The following JAKMIP1 variants were observed in gnomAD, a reference collection of about 807,000 sequenced individuals.
JAKMIP1 encodes janus kinase and microtubule-interacting protein 1.
A neutral mutation model predicts 113.0 loss-of-function variants in JAKMIP1; 33 were observed. The observed-to-expected ratio is 0.29, with a 90% CI of 0.22 to 0.39. The LOEUF (loss-of-function observed/expected upper bound fraction) is 0.39, where lower values mean the gene tolerates loss of function less well. Among genes scored for constraint, JAKMIP1 ranks in the 10% least tolerant of loss-of-function variants. The probability of loss-of-function intolerance (pLI) is 1.00; values close to 1 mark genes in which losing one functional copy is unlikely to be tolerated. For missense variants in JAKMIP1, 813 were observed against 1,080.5 expected, an observed-to-expected ratio of 0.75 and a Z score of 3.47; for synonymous variants, 480 against 459.9, an observed-to-expected ratio of 1.04 and a Z score of -0.56.
At position 6,137,550 on chromosome 4, in the gene JAKMIP1, G is replaced by T. The variant is rs115024133; in HGVS notation, c.-147-24553C>A. ...ATCAGGAGCTGTGATTTGGTTGAAC[G>T]TTCCAGATGGCCTCACTCGAGAGAC... On this transcript the variant is annotated intron_variant, in intron 1 of 20. Coordinates refer to ENST00000409021, the MANE Select transcript of JAKMIP1 (RefSeq NM_001099433.2). The surrounding 1 kb of genome is among the most constrained non-coding windows in gnomAD (Gnocchi z 4.5). Among the ~76,000 whole-genome samples the T allele has an allele frequency of 4.6e-5, 7 of 152,162 alleles. No homozygotes were observed. Among genetic ancestry groups the T allele is most frequent in the East Asian group, 3.9e-4 (2 of 5,192 alleles).
chr4:6,107,321 A>G (rs565286478), intron 2 of JAKMIP1, among the ~76,000 whole-genome samples: 1 of 152,298 alleles, frequency 6.6e-6, no homozygotes, highest in South Asian at 2.1e-4. Context: ...GTCAGATCCA[A>G]TGAGATCCTA....
chr4:6,031,422 A>ATATAT lies in JAKMIP1; in HGVS notation c.2380-1642_2380-1641insATATA, dbSNP rs1276228694. Among the ~76,000 whole-genome samples, 1 of 152,174 alleles carries ATATAT rather than the reference A, an allele frequency of 6.6e-6. No individual in the cohort carries two copies. Among genetic ancestry groups the ATATAT allele is most frequent in the Non-Finnish European group, 1.5e-5 (1 of 68,040 alleles). The stretch of plus-strand genomic sequence containing the variant: ...ACACAGAGAGACTCCATCTCAATAA[A>ATATAT]TAAATAAAGAGGCATGAGGAGGGGT... On this transcript the variant is annotated intron_variant, in intron 19 of 20. Coordinates refer to ENST00000409021, the MANE Select transcript of JAKMIP1 (RefSeq NM_001099433.2). This position sits in a 1 kb window ranked among gnomAD's most constrained non-coding sequence, Gnocchi z 4.4.
intron 3 of JAKMIP1, among the ~76,000 whole-genome samples, chr4:6,090,901 T>C (rs902106352): frequency 6.6e-6 from 1 of 152,124 alleles, no homozygotes; most frequent in Non-Finnish European, 1.5e-5. Flanking sequence ...ATGACGTCCT[T>C]AGAGTGTCAA....
chr4:6,111,883 C>T (rs116222719), intron 2 of JAKMIP1, among the ~76,000 whole-genome samples: 58 of 152,308 alleles, frequency 3.8e-4, no homozygotes, highest in African/African-American at 1.2e-3. Context: ...TAAGAAAGCA[C>T]ATATATGGCT....
chr4:6,151,737 C>T (rs753393001), intron 1 of JAKMIP1, among the ~76,000 whole-genome samples: 1 of 152,150 alleles, frequency 6.6e-6, no homozygotes, highest in Non-Finnish European at 1.5e-5. Flanking sequence ...TGAAGCTGGA[C>T]GGCAAAGTGG....
rs1279872344 is a variant in JAKMIP1 at position 6,042,267 on chromosome 4, G to C, written c.2029-40C>G. 6.6e-7 allele frequency: 1 copy of C among 1,520,456 alleles called. No individual in the cohort carries two copies. The highest frequency in any genetic ancestry group is 1.1e-5 in the South Asian group (1 of 89,130). The allele number at this position is 1,520,456 out of a possible 1,614,324, so 94.2% of individuals were successfully genotyped here. A position where few individuals can be genotyped will look rare whatever the true frequency, so the allele number is the denominator to read the frequency against. On this transcript the variant is annotated intron_variant, in intron 16 of 20. Transcript: ENST00000409021. The surrounding 1 kb of genome is among the most constrained non-coding windows in gnomAD (Gnocchi z 5.2). ...GGACAGGACGGGTGCAGCAAAGTGA[G>C]AGTCAGAACCCAAGGGGCTGTGGAA...
rs1262577964 is a variant in JAKMIP1, at chr4:6,049,722, CAG to C, written c.1962+95_1962+96del. On this transcript the variant is annotated intron_variant, in intron 15 of 20. Coordinates refer to ENST00000409021, the MANE Select transcript of JAKMIP1 (RefSeq NM_001099433.2). This position sits in a 1 kb window ranked among gnomAD's most constrained non-coding sequence, Gnocchi z 7.0. ...ATTGTACTTCTTAGATCTCTTACATCAGAGAGAAATTAAAAACAAAACAAAAC... is the reference window on the plus strand; with the variant it reads ...ATTGTACTTCTTAGATCTCTTACATCAGAGAAATTAAAAACAAAACAAAAC... 2.2e-6 allele frequency: 2 copies of C among 899,348 alleles called. No individual in the cohort carries two copies. Among genetic ancestry groups the C allele is most frequent in the Non-Finnish European group, 3.6e-6 (2 of 555,874 alleles). 55.7% of individuals were successfully genotyped at this position (899,348 alleles called of 1,614,324 possible). A position where few individuals can be genotyped will look rare whatever the true frequency, so the allele number is the denominator to read the frequency against.
Position 6,065,683 on chromosome 4 carries a change from C to T in JAKMIP1, c.1303-675G>A, listed in dbSNP as rs182204520. Among the ~76,000 whole-genome samples the T allele has an allele frequency of 4.6e-4, 70 of 152,322 alleles. No individual in the cohort carries two copies. Among genetic ancestry groups the T allele is most frequent in the African/African-American group, 1.5e-3 (62 of 41,570 alleles). The stretch of plus-strand genomic sequence containing the variant: ...AGGAATCATGTAATAGACCTTCACA[C>T]GACCATCACTCAGATCCAGAGGCAA... On this transcript the variant is annotated intron_variant, in intron 8 of 20. Coordinates refer to ENST00000409021, the MANE Select transcript of JAKMIP1 (RefSeq NM_001099433.2). This position sits in a 1 kb window ranked among gnomAD's most constrained non-coding sequence, Gnocchi z 5.1.
chr4:6,050,742 CCACGTTACT>C lies in JAKMIP1; in HGVS notation c.1807-72_1807-64del. On this transcript the variant is annotated intron_variant, in intron 13 of 20. Coordinates refer to ENST00000409021, the MANE Select transcript of JAKMIP1 (RefSeq NM_001099433.2). The surrounding 1 kb of genome is among the most constrained non-coding windows in gnomAD (Gnocchi z 7.4). ...GGATTATTTACCACTTGCCATTTTCCCACGTTACTCAGCAAAAACCAAGGAATTCCAGTG... is the reference window on the plus strand; with the variant it reads ...GGATTATTTACCACTTGCCATTTTCCCAGCAAAAACCAAGGAATTCCAGTG... 1 of 1,337,046 alleles carries C rather than the reference CCACGTTACT, an allele frequency of 7.5e-7. No homozygotes were observed. Among genetic ancestry groups the C allele is most frequent in the Admixed American group, 2.0e-5 (1 of 49,806 alleles). 82.8% of individuals were successfully genotyped at this position (1,337,046 alleles called of 1,614,324 possible). A position where few individuals can be genotyped will look rare whatever the true frequency, so the allele number is the denominator to read the frequency against.
At chr4:6,033,430 C>G (rs778853532) in intron 19 of JAKMIP1, among the ~76,000 whole-genome samples, 2 of 152,122 alleles carry the variant, frequency 1.3e-5, no homozygotes, top group African/African-American at 2.4e-5. Context: ...TGAGAGAAGA[C>G]ATGATAATGA....
chr4:6,064,188 A>T lies in JAKMIP1; in HGVS notation c.1431+692T>A, dbSNP rs73073451. On this transcript the variant is annotated intron_variant, in intron 9 of 20. Transcript: ENST00000409021. The surrounding 1 kb of genome is among the most constrained non-coding windows in gnomAD (Gnocchi z 4.3). Reference sequence around the variant, plus strand: ...AGTCTGCTGTTTAGGAAATTAATCAAATGTGATTATTCCCATCACTGGAAG... The same window carrying T: ...AGTCTGCTGTTTAGGAAATTAATCATATGTGATTATTCCCATCACTGGAAG... 3.3e-5 allele frequency among the ~76,000 whole-genome samples: 5 copies of T among 152,316 alleles called. No homozygotes were observed. The highest frequency in any genetic ancestry group is 1.2e-4 in the African/African-American group (5 of 41,572).
intron 11 of JAKMIP1, 94 bp from the exon 12 acceptor site, chr4:6,056,853 T>G (rs1334469070): frequency 3.5e-6 from 3 of 866,048 alleles, no homozygotes; most frequent in East Asian, 4.8e-5. Context: ...TCTATGAAAC[T>G]GACCATGGAA....
chr4:6,194,996 C>T lies in JAKMIP1; in HGVS notation c.-148+5257G>A, dbSNP rs1437834388. The stretch of plus-strand genomic sequence containing the variant: ...CCGCCACTGCAGCTGCTGTCCACGG[C>T]GTGATCCTAGACTAGGCCTTTCACC... On this transcript the variant is annotated intron_variant, in intron 1 of 20. Transcript: ENST00000409021. This position sits in a 1 kb window ranked among gnomAD's most constrained non-coding sequence, Gnocchi z 7.4. 2.0e-5 allele frequency among the ~76,000 whole-genome samples: 3 copies of T among 152,206 alleles called. No homozygotes were observed. The highest frequency in any genetic ancestry group is 7.2e-5 in the African/African-American group (3 of 41,444).
chr4:6,050,710 T>C lies in JAKMIP1; in HGVS notation c.1807-31A>G, dbSNP rs1715551617. The C allele has an allele frequency of 6.7e-7, 1 of 1,500,788 alleles. No individual in the cohort carries two copies. Among genetic ancestry groups the C allele is most frequent in the African/African-American group, 1.4e-5 (1 of 71,948 alleles). The allele number at this position is 1,500,788 out of a possible 1,614,324, so 93.0% of individuals were successfully genotyped here. On this transcript the variant is annotated intron_variant, in intron 13 of 20. Transcript: ENST00000409021. The surrounding 1 kb of genome is among the most constrained non-coding windows in gnomAD (Gnocchi z 7.4). ...GAAAAGATTCGGTTTAAAAACAGAA[T>C]GTGACCGGATTATTTACCACTTGCC...
Position 6,138,377 on chromosome 4 carries a change from A to T in JAKMIP1, c.-147-25380T>A, listed in dbSNP as rs1034820690. Among the ~76,000 whole-genome samples the T allele has an allele frequency of 2.6e-5, 4 of 151,944 alleles. No individual in the cohort carries two copies. The highest frequency in any genetic ancestry group is 5.9e-5 in the Non-Finnish European group (4 of 67,976). On this transcript the variant is annotated intron_variant, in intron 1 of 20. Coordinates refer to ENST00000409021, the MANE Select transcript of JAKMIP1 (RefSeq NM_001099433.2). This position sits in a 1 kb window ranked among gnomAD's most constrained non-coding sequence, Gnocchi z 6.0. ...ATTCTCCTGCCTCAGCTTTCCAAGT[A>T]GCTGGGATTACACCACACCTGGCTC...
At position 6,050,083 on chromosome 4, in the gene JAKMIP1, C is replaced by A. The variant is rs1246156859; in HGVS notation, c.1909-211G>T. On this transcript the variant is annotated intron_variant, in intron 14 of 20. Transcript: ENST00000409021. This position sits in a 1 kb window ranked among gnomAD's most constrained non-coding sequence, Gnocchi z 7.4. ...GAGTGTTACACCAGCACAAACACTG[C>A]TTTCTAGAAAGGCCATGGAAGCGGG... is the stretch of plus-strand genomic sequence containing the variant. Among the ~76,000 whole-genome samples, 1 of 152,198 alleles carries A rather than the reference C, an allele frequency of 6.6e-6. No individual in the cohort carries two copies. The highest frequency in any genetic ancestry group is 2.4e-5 in the African/African-American group (1 of 41,442).
rs1014079493 is a variant in JAKMIP1 at position 6,142,348 on chromosome 4, G to C, written c.-147-29351C>G. 2.0e-4 allele frequency among the ~76,000 whole-genome samples: 31 copies of C among 152,168 alleles called. No individual in the cohort carries two copies. Among genetic ancestry groups the C allele is most frequent in the African/African-American group, 7.0e-4 (29 of 41,434 alleles). ...CAGGCAGGGGAAAGGGAGCCCCCGG[G>C]AGCTCTGTGCTTTAAAAGGGCAGTT... On this transcript the variant is annotated intron_variant, in intron 1 of 20. Coordinates refer to ENST00000409021, the MANE Select transcript of JAKMIP1 (RefSeq NM_001099433.2). The surrounding 1 kb of genome is among the most constrained non-coding windows in gnomAD (Gnocchi z 5.5).
intron 1 of JAKMIP1, among the ~76,000 whole-genome samples, chr4:6,160,305 A>T: frequency 6.6e-6 from 1 of 152,230 alleles, no homozygotes; most frequent in Middle Eastern, 3.2e-3. Context: ...GCCAAAAAGC[A>T]TAATGTTCTT....
chr4:6,071,277 AC>A (rs1237977812), intron 8 of JAKMIP1, among the ~76,000 whole-genome samples: 17 of 151,196 alleles, frequency 1.1e-4, no homozygotes, highest in African/African-American at 4.1e-4. Context: ...CAGACCTGAG[AC>A]AGCTGGGCCT....
Sources: allele counts gnomAD v4.1 joint callset (sites outside exome capture counted in the v4.1 genomes callset), GRCh38; gene constraint gnomAD v4.1.1; non-coding constraint Gnocchi (gnomAD v3.1); transcripts MANE v1.5; gene names NCBI Gene and HGNC (gene_info 2026-07-23, HGNC 2026-07-21).